Variants in SFXN5 observed in about 807,000 individuals in gnomAD.
The protein encoded by SFXN5 is sideroflexin-5.
In SFXN5, 43 loss-of-function variants were observed where a neutral mutation model predicts 50.2. The ratio of observed to expected loss-of-function variants is 0.86; its 90% confidence interval spans 0.67 to 1.11. SFXN5 has a LOEUF of 1.11. SFXN5 is among the 50% of genes least tolerant of loss of function. The pLI, the probability that SFXN5 is intolerant of heterozygous loss-of-function variation, is 0.00. For synonymous variants in SFXN5, 203 were observed against 185.8 expected (o/e 1.09, Z -0.75); for missense variants, 463 against 454.1 (o/e 1.02, Z -0.18).
chr2:73,069,315 G>C (rs1683402913), intron 1 of SFXN5, among the ~76,000 whole-genome samples: 1 of 152,164 alleles, frequency 6.6e-6, no homozygotes, highest in East Asian at 1.9e-4. Flanking sequence ...GCTTGGTCTA[G>C]GATTCTGGCA....
chr2:73,039,315 G>C (rs577887064), intron 3 of SFXN5, among the ~76,000 whole-genome samples: 3 of 152,310 alleles, frequency 2.0e-5, no homozygotes, highest in African/African-American at 7.2e-5. Flanking sequence ...GTATTGAAAG[G>C]CCGCGGGAGG....
chr2:73,016,800 T>C (rs1183938080), intron 6 of SFXN5, among the ~76,000 whole-genome samples: 1 of 152,190 alleles, frequency 6.6e-6, no homozygotes, highest in Admixed American at 6.5e-5. Context: ...TCTCAACTTA[T>C]GATGTGGTTA....
intron 13 of SFXN5, among the ~76,000 whole-genome samples, chr2:72,948,913 A>G (rs1672234523): frequency 6.6e-6 from 1 of 152,072 alleles, no homozygotes. Flanking sequence ...AGACCAACTC[A>G]TGCCCTCTAG....
intron 6 of SFXN5, among the ~76,000 whole-genome samples, chr2:73,014,379 T>C (rs1286388060): frequency 1.3e-5 from 2 of 152,182 alleles, no homozygotes; most frequent in Non-Finnish European, 2.9e-5. Flanking sequence ...TAAATTTCCA[T>C]ATGGGCATGT....
At chr2:73,045,368 AC>A (rs761064652) in intron 2 of SFXN5, among the ~76,000 whole-genome samples, 1 of 152,176 alleles carries the variant, frequency 6.6e-6, no homozygotes, top group Non-Finnish European at 1.5e-5. Context: ...GAGGCAGTGC[AC>A]CCCAAGTAAA....
chr2:73,034,890 A>T lies in SFXN5; in HGVS notation c.249+5964T>A, dbSNP rs1678770797. 2.0e-5 allele frequency among the ~76,000 whole-genome samples: 3 copies of T among 152,088 alleles called. No individual in the cohort carries two copies. The South Asian group carries it at 6.2e-4, about 32-fold the overall frequency. On this transcript the variant is annotated intron_variant, in intron 3 of 13. Transcript: ENST00000272433. ...TGCCTGGTTTTCAAAGACTTTCTCA[A>T]TCTGGCCTGTAACCTCCAACTTCCT...
At chr2:73,043,593 T>G (rs900076972) in intron 2 of SFXN5, among the ~76,000 whole-genome samples, 1 of 152,190 alleles carries the variant, frequency 6.6e-6, no homozygotes, top group Admixed American at 6.5e-5. Context: ...TGAAAAGTAC[T>G]GTCCCTCCCC....
At chr2:72,946,270 C>A (rs1314659978) in intron 13 of SFXN5, among the ~76,000 whole-genome samples, 1 of 152,146 alleles carries the variant, frequency 6.6e-6, no homozygotes, top group African/African-American at 2.4e-5. Context: ...TCTCTCTCCT[C>A]CCCAGCAGCC....
intron 6 of SFXN5, among the ~76,000 whole-genome samples, chr2:73,017,150 A>G (rs962276049): frequency 6.6e-6 from 1 of 152,012 alleles, no homozygotes; most frequent in Non-Finnish European, 1.5e-5. Flanking sequence ...TATATAGTAT[A>G]CTACATTTTA....
chr2:73,046,423 A>AT (rs1409989847), intron 2 of SFXN5, among the ~76,000 whole-genome samples: 1 of 151,930 alleles, frequency 6.6e-6, no homozygotes, highest in African/African-American at 2.4e-5. Context: ...AAAAAAAAAA[A>AT]AGTAATATGT....
rs1430060409 is a variant in SFXN5, at chr2:73,023,225, G to A, written c.250-11C>T. The A allele has an allele frequency of 2.5e-6, 4 of 1,597,478 alleles. No homozygotes were observed. The highest frequency in any genetic ancestry group is 2.3e-5 in the South Asian group (2 of 88,448). ...CTGTGCACTCCAGAGCTGGAAGAGA[G>A]ATAAAGGAAAAGAAAATAAAGAACA... On this transcript the variant is annotated splice_polypyrimidine_tract_variant and intron_variant, in intron 3 of 13. Coordinates refer to ENST00000272433, the MANE Select transcript of SFXN5 (RefSeq NM_144579.3).
chr2:73,002,592 A>G (rs1674039628), intron 6 of SFXN5, among the ~76,000 whole-genome samples: 1 of 152,248 alleles, frequency 6.6e-6, no homozygotes, highest in Non-Finnish European at 1.5e-5. Context: ...TAAACACTCA[A>G]TAATATGCAG....
chr2:73,071,485 A>G, intron 1 of SFXN5, 119 bp downstream of exon 1: 2 of 867,598 alleles, frequency 2.3e-6, no homozygotes, highest in Non-Finnish European at 3.5e-6. Context: ...CCCTGGCGCT[A>G]GCTGCAGGCT....
chr2:72,988,602 T>TACAC (rs138657348), intron 9 of SFXN5, among the ~76,000 whole-genome samples: 3 of 150,250 alleles, frequency 2.0e-5, no homozygotes, highest in South Asian at 2.1e-4. Flanking sequence ...ATCAGAGACA[T>TACAC]ACACACACAC....
At chr2:73,059,202 T>C in intron 1 of SFXN5, 1 of 986,058 alleles carries the variant, frequency 1.0e-6, no homozygotes, top group Non-Finnish European at 1.2e-6. Flanking sequence ...AGGAGGGCTT[T>C]ATGCTAAGCG....
chr2:72,947,818 A>G (rs932596408), intron 13 of SFXN5, among the ~76,000 whole-genome samples: 1 of 114,478 alleles, frequency 8.7e-6, no homozygotes, highest in African/African-American at 3.4e-5. Context: ...ACCTTCTCCC[A>G]CCCCACCCCT....
At chr2:73,032,299 T>C (rs1390502290) in intron 3 of SFXN5, among the ~76,000 whole-genome samples, 1 of 152,218 alleles carries the variant, frequency 6.6e-6, no homozygotes, top group Non-Finnish European at 1.5e-5. Context: ...GCTCAGCCCA[T>C]CTCCTCTGTG....
intron 3 of SFXN5, among the ~76,000 whole-genome samples, chr2:73,039,988 T>C (rs1679417410): frequency 6.6e-6 from 1 of 151,894 alleles, no homozygotes; most frequent in Non-Finnish European, 1.5e-5. Flanking sequence ...TTTTTTGTCT[T>C]TCAGTAAAGA....
chr2:72,961,095 C>A lies in SFXN5; in HGVS notation c.945+36G>T. ...TTCAGAAATCACCAAACAGCACCCCCTGCCCTGCCCTGCCCTTGAGCCCCT... is the reference window on the plus strand; with the variant it reads ...TTCAGAAATCACCAAACAGCACCCCATGCCCTGCCCTGCCCTTGAGCCCCT... On this transcript the variant is annotated intron_variant, in intron 13 of 13. Transcript: ENST00000272433. The surrounding 1 kb of genome is among the most constrained non-coding windows in gnomAD (Gnocchi z 4.4). 1 of 1,274,638 alleles carries A rather than the reference C, an allele frequency of 7.8e-7. No homozygotes were observed. Among genetic ancestry groups the A allele is most frequent in the Admixed American group, 2.8e-5 (1 of 35,326 alleles). 79.0% of individuals were successfully genotyped at this position (1,274,638 alleles called of 1,614,324 possible). A position where few individuals can be genotyped will look rare whatever the true frequency, so the allele number is the denominator to read the frequency against.
Sources: allele counts gnomAD v4.1 joint callset (sites outside exome capture counted in the v4.1 genomes callset), GRCh38; gene constraint gnomAD v4.1.1; non-coding constraint Gnocchi (gnomAD v3.1); transcripts MANE v1.5; gene names NCBI Gene and HGNC (gene_info 2026-07-23, HGNC 2026-07-21).